The following MLLT3 variants were observed in gnomAD, a reference collection of about 807,000 sequenced individuals.
MLLT3 encodes the protein MLLT3 super elongation complex subunit.
In MLLT3, 4 loss-of-function variants were observed where a neutral mutation model predicts 53.2. The observed-to-expected ratio is 0.08, with a 90% confidence interval of 0.04 to 0.17. The LOEUF (loss-of-function observed/expected upper bound fraction) is 0.17, where lower values mean the gene tolerates loss of function less well. Among genes scored for constraint, MLLT3 ranks in the 10% least tolerant of loss-of-function variants. MLLT3 has a pLI of 1.00. For missense variants in MLLT3, 569 were observed against 684.0 expected, an observed-to-expected ratio of 0.83 and a Z score of 1.87; for synonymous variants, 283 against 230.6, an observed-to-expected ratio of 1.23 and a Z score of -2.06.
At chr9:20,486,219 C>T (rs2118913803) in intron 2 of MLLT3, among the ~76,000 whole-genome samples, 1 of 152,100 alleles carries the variant, frequency 6.6e-6, no homozygotes, top group East Asian at 1.9e-4. Flanking sequence ...AGGTAATATA[C>T]AAAAATATAT....
intron 4 of MLLT3, among the ~76,000 whole-genome samples, chr9:20,415,871 T>C (rs1477359081): frequency 6.6e-6 from 1 of 152,014 alleles, no homozygotes; most frequent in Admixed American, 6.5e-5. Flanking sequence ...TATTTTTTGG[T>C]TTCTTAATAA....
At chr9:20,570,231 C>A (rs1033580287) in intron 2 of MLLT3, among the ~76,000 whole-genome samples, 1 of 152,096 alleles carries the variant, frequency 6.6e-6, no homozygotes, top group African/African-American at 2.4e-5. Context: ...ACTGCATGAG[C>A]AGCCAGAGAT....
Position 20,620,557 on chromosome 9 carries a change from G to T in MLLT3, c.193+97C>A. 8.8e-7 allele frequency: 1 copy of T among 1,135,816 alleles called. No homozygotes were observed. Among genetic ancestry groups the T allele is most frequent in the Non-Finnish European group, 1.2e-6 (1 of 856,982 alleles). 70.4% of individuals were successfully genotyped at this position (1,135,816 alleles called of 1,614,324 possible). On this transcript the variant is annotated intron_variant, in intron 2 of 10. Coordinates refer to ENST00000380338, the MANE Select transcript of MLLT3 (RefSeq NM_004529.4). The surrounding 1 kb of genome is among the most constrained non-coding windows in gnomAD (Gnocchi z 6.1). ...ATCCCGAGGCTACGCCGGCGAGCGC[G>T]GCGCGGGGGGCGGGGAGCGGGACAG...
intron 2 of MLLT3, among the ~76,000 whole-genome samples, chr9:20,505,996 A>G (rs886718457): frequency 6.6e-6 from 1 of 152,074 alleles, no homozygotes; most frequent in Non-Finnish European, 1.5e-5. Flanking sequence ...CTGTCTTGCT[A>G]TGTCTGAAAA....
chr9:20,458,818 A>T (rs1824037682), intron 2 of MLLT3, among the ~76,000 whole-genome samples: 1 of 152,214 alleles, frequency 6.6e-6, no homozygotes, highest in African/African-American at 2.4e-5. Flanking sequence ...TGATGTGTGT[A>T]AAAGATGCAG....
intron 5 of MLLT3, among the ~76,000 whole-genome samples, chr9:20,407,539 A>G (rs1822616311): frequency 6.6e-6 from 1 of 152,184 alleles, no homozygotes; most frequent in Non-Finnish European, 1.5e-5. Context: ...ACAACATGAG[A>G]TATTCAAGGC....
chr9:20,606,692 G>A (rs935206768), intron 2 of MLLT3, among the ~76,000 whole-genome samples: 8 of 152,046 alleles, frequency 5.3e-5, no homozygotes, highest in African/African-American at 1.9e-4. Flanking sequence ...AAAACTTTAA[G>A]TCTATTTTTT....
chr9:20,506,779 T>C (rs1288254745), intron 2 of MLLT3, among the ~76,000 whole-genome samples: 5 of 152,202 alleles, frequency 3.3e-5, no homozygotes, highest in Admixed American at 1.3e-4. Context: ...TTTACACTAA[T>C]TTATTCTACA....
chr9:20,596,919 G>A lies in MLLT3; in HGVS notation c.193+23735C>T, dbSNP rs536870506. ...CGTAATATTAAGTCTCCCAATCCATGAACATGGAATATTTTTTCATTTATT... is the reference window on the plus strand; with the variant it reads ...CGTAATATTAAGTCTCCCAATCCATAAACATGGAATATTTTTTCATTTATT... On this transcript the variant is annotated intron_variant, in intron 2 of 10. Transcript: ENST00000380338. Among the ~76,000 whole-genome samples, 11 of 152,180 alleles carry A rather than the reference G, an allele frequency of 7.2e-5. No individual in the cohort carries two copies. The South Asian group carries it at 2.1e-3, about 29-fold the overall frequency.
At chr9:20,457,628 C>A (rs1824005281) in intron 2 of MLLT3, among the ~76,000 whole-genome samples, 1 of 152,076 alleles carries the variant, frequency 6.6e-6, no homozygotes, top group South Asian at 2.1e-4. Flanking sequence ...GCATAACCTC[C>A]CTCCTTCACC....
intron 5 of MLLT3, among the ~76,000 whole-genome samples, chr9:20,379,008 T>G (rs1225711602): frequency 6.6e-6 from 1 of 152,094 alleles, no homozygotes; most frequent in Admixed American, 6.6e-5. Flanking sequence ...TGCACACATC[T>G]TATATAAGCC....
In MLLT3 at chr9:20,345,897, G is replaced by A. The variant is rs1245159266; in HGVS notation, c.*546C>T. 1 of 230,728 alleles carries A rather than the reference G, an allele frequency of 4.3e-6. No individual in the cohort carries two copies. Among genetic ancestry groups the A allele is most frequent in the East Asian group, 6.1e-5 (1 of 16,262 alleles). The allele number at this position is 230,728 out of a possible 1,614,324, so 14.3% of individuals were successfully genotyped here. ...AGGACTTGGAAAAAGTTGGTGGAAAGTGGCACGGTATACGAGTAAGGTCAC... is the reference window on the plus strand; with the variant it reads ...AGGACTTGGAAAAAGTTGGTGGAAAATGGCACGGTATACGAGTAAGGTCAC... On this transcript the variant is annotated 3_prime_UTR_variant, in exon 11 of 11. Transcript: ENST00000380338.
chr9:20,488,080 G>T (rs1824857398), intron 2 of MLLT3, among the ~76,000 whole-genome samples: 1 of 152,056 alleles, frequency 6.6e-6, no homozygotes, highest in African/African-American at 2.4e-5. Flanking sequence ...AATTAAATCT[G>T]ATACCCATAA....
In MLLT3 at chr9:20,545,817, G is replaced by A. The variant is rs377148549; in HGVS notation, c.193+74837C>T. ...GAGGATCCCTTGAAGACAGGAGTTC[G>A]AGACTAGCCTGGGAAATAAAGTAAG... On this transcript the variant is annotated intron_variant, in intron 2 of 10. Transcript: ENST00000380338. 1.2e-4 allele frequency among the ~76,000 whole-genome samples: 17 copies of A among 136,296 alleles called. 1 individual carries two copies. The East Asian group carries it at 2.1e-3, about 17-fold the overall frequency. 89.4% of individuals were successfully genotyped at this position (136,296 alleles called of 152,430 possible). A position where few individuals can be genotyped will look rare whatever the true frequency, so the allele number is the denominator to read the frequency against.
At chr9:20,445,647 T>A (rs769511177) in intron 4 of MLLT3, among the ~76,000 whole-genome samples, 1 of 152,284 alleles carries the variant, frequency 6.6e-6, no homozygotes, top group South Asian at 2.1e-4. Flanking sequence ...TCTATGTACT[T>A]TTAGTTTAAA....
At chr9:20,459,768 T>C (rs1458099723) in intron 2 of MLLT3, among the ~76,000 whole-genome samples, 1 of 152,188 alleles carries the variant, frequency 6.6e-6, no homozygotes, top group Non-Finnish European at 1.5e-5. Context: ...CGTACTAATA[T>C]TGTATAGAAG....
In MLLT3 at chr9:20,604,638, A is replaced by C. The variant is rs117901279; in HGVS notation, c.193+16016T>G. Among the ~76,000 whole-genome samples, 7 of 152,220 alleles carry C rather than the reference A, an allele frequency of 4.6e-5. No individual in the cohort carries two copies. In the East Asian group the frequency reaches 1.2e-3, roughly 25 times the overall value. ...AGTAGAAATGATAGTGTTTGAAACT[A>C]ATAGGGTTAAACAATTTATTTTGTG... On this transcript the variant is annotated intron_variant, in intron 2 of 10. Transcript: ENST00000380338.
At chr9:20,347,565 T>C (rs981601654) in intron 10 of MLLT3, among the ~76,000 whole-genome samples, 1 of 152,224 alleles carries the variant, frequency 6.6e-6, no homozygotes. Context: ...GATGATTGGT[T>C]TGAGAGATTC....
In MLLT3 at chr9:20,343,700, A is replaced by T. The variant is rs1459349281; in HGVS notation, c.*2743T>A. On this transcript the variant is annotated 3_prime_UTR_variant, in exon 11 of 11. Coordinates refer to ENST00000380338, the MANE Select transcript of MLLT3 (RefSeq NM_004529.4). ...TTCAAACCATATTCACATTTACCCAATTAATTTTATTTGAAACATCTATTT... is the reference window on the plus strand; with the variant it reads ...TTCAAACCATATTCACATTTACCCATTTAATTTTATTTGAAACATCTATTT... 3 of 221,774 alleles carry T rather than the reference A, an allele frequency of 1.4e-5. No individual in the cohort carries two copies. Among genetic ancestry groups the T allele is most frequent in the African/African-American group, 6.7e-5 (3 of 44,792 alleles). The allele number at this position is 221,774 out of a possible 1,614,324, so 13.7% of individuals were successfully genotyped here.
Sources: gnomAD v4.1 joint callset for allele counts (sites outside exome capture counted in the v4.1 genomes callset) on GRCh38, gnomAD v4.1.1 for gene constraint, Gnocchi (gnomAD v3.1) non-coding constraint, MANE v1.5 for transcripts, NCBI Gene and HGNC (gene_info 2026-07-23, HGNC 2026-07-21) for gene names.